SEMA3A: variants seen among roughly 807,000 people sequenced by gnomAD.
SEMA3A encodes the protein semaphorin-3A.
SEMA3A carries 29 observed loss-of-function variants against 97.9 expected under a neutral mutation model. The ratio of observed to expected loss-of-function variants is 0.30; its 90% CI spans 0.22 to 0.40. The LOEUF is 0.40. SEMA3A is among the 10% of genes least tolerant of loss of function. SEMA3A has a pLI of 1.00. For synonymous variants in SEMA3A, 321 were observed against 323.7 expected (o/e 0.99, Z 0.09); for missense variants, 763 against 951.3 (o/e 0.80, Z 2.60).
intron 1 of SEMA3A, among the ~76,000 whole-genome samples, chr7:84,455,637 G>T (rs139677276): frequency 5.3e-5 from 8 of 151,950 alleles, no homozygotes; most frequent in Admixed American, 5.2e-4. Flanking sequence ...ATTTCAATGT[G>T]AATAATTCTT....
chr7:84,411,232 A>AT lies in SEMA3A; in HGVS notation c.-245-39333dup, dbSNP rs988062217. Among the ~76,000 whole-genome samples the AT allele has an allele frequency of 2.0e-4, 31 of 152,028 alleles. 1 individual carries two copies. Among genetic ancestry groups the AT allele is most frequent in the Non-Finnish European group, 8.8e-5 (6 of 68,002 alleles). On this transcript the variant is annotated intron_variant, in intron 1 of 3. Coordinates refer to the SEMA3A transcript ENST00000424555. ...AAAAATTGGTAGCGGTCCACTTGGGATTTTTTATAATATTGCAAAATGGCT... is the reference window on the plus strand; with the variant it reads ...AAAAATTGGTAGCGGTCCACTTGGGATTTTTTTATAATATTGCAAAATGGCT...
intron 1 of SEMA3A, among the ~76,000 whole-genome samples, chr7:84,458,450 A>G (rs1428333354): frequency 9.6e-6 from 1 of 103,748 alleles, no homozygotes; most frequent in Admixed American, 9.0e-5. Flanking sequence ...TTTAAATCAT[A>G]AAAAAATAAT....
chr7:84,427,319 C>T (rs756749457), intron 1 of SEMA3A, among the ~76,000 whole-genome samples: 1 of 152,056 alleles, frequency 6.6e-6, no homozygotes, highest in Non-Finnish European at 1.5e-5. Context: ...ATTACAAAGG[C>T]TTGAAACAAA....
At chr7:84,358,556 G>C (rs1391333038) in intron 2 of SEMA3A, among the ~76,000 whole-genome samples, 1 of 152,122 alleles carries the variant, frequency 6.6e-6, no homozygotes, top group Non-Finnish European at 1.5e-5. Flanking sequence ...AGTATAGTTT[G>C]AAGTCAGGTA....
At chr7:84,278,657 G>A (rs1202664622) in intron 3 of SEMA3A, among the ~76,000 whole-genome samples, 1 of 152,068 alleles carries the variant, frequency 6.6e-6, no homozygotes, top group African/African-American at 2.4e-5. Flanking sequence ...GCAAAGGAAG[G>A]GCAGGCAGAG....
chr7:84,047,045 T>C (rs1301229600), intron 5 of SEMA3A, among the ~76,000 whole-genome samples: 1 of 152,062 alleles, frequency 6.6e-6, no homozygotes, highest in African/African-American at 2.4e-5. Context: ...AGTGTTTTTA[T>C]TTGTTATAAG....
At chr7:84,247,810 A>T (rs1392796385) in intron 3 of SEMA3A, among the ~76,000 whole-genome samples, 2 of 152,154 alleles carry the variant, frequency 1.3e-5, no homozygotes, top group Admixed American at 1.3e-4. Flanking sequence ...CTGCCCTGAA[A>T]GTATGAGTCT....
At chr7:84,392,499 T>C (rs1340365669) in intron 1 of SEMA3A, among the ~76,000 whole-genome samples, 1 of 152,308 alleles carries the variant, frequency 6.6e-6, no homozygotes, top group East Asian at 1.9e-4. Flanking sequence ...TTCCATACCT[T>C]GGCTATTGTG....
chr7:84,454,340 T>C (rs1335825109), intron 1 of SEMA3A, among the ~76,000 whole-genome samples: 1 of 152,170 alleles, frequency 6.6e-6, no homozygotes. Context: ...CACAGATAAG[T>C]CATTTCTTGG....
At chr7:84,274,319 C>A (rs1447976470) in intron 3 of SEMA3A, among the ~76,000 whole-genome samples, 2 of 152,026 alleles carry the variant, frequency 1.3e-5, no homozygotes, top group South Asian at 2.1e-4. Context: ...GGTCAGTAAA[C>A]AATCCACCGT....
At position 84,271,614 on chromosome 7, in the gene SEMA3A, A is replaced by G. The variant is rs576601159; in HGVS notation, c.-83+35593T>C. On this transcript the variant is annotated intron_variant, in intron 3 of 3. Transcript: ENST00000424555. The stretch of plus-strand genomic sequence containing the variant: ...TATAAACCCGTTGTATCAAGTGTCT[A>G]GGTAATTCTGACACTTGAGGAGAAT... 1.5e-4 allele frequency among the ~76,000 whole-genome samples: 23 copies of G among 152,262 alleles called. No individual in the cohort carries two copies. In the South Asian group the frequency reaches 2.1e-3, roughly 14 times the overall value.
intron 14 of SEMA3A, among the ~76,000 whole-genome samples, chr7:83,978,992 T>C (rs1789282657): frequency 6.6e-6 from 1 of 152,208 alleles, no homozygotes; most frequent in Non-Finnish European, 1.5e-5. Flanking sequence ...TTTTAACTTA[T>C]AGATGTGTTG....
intron 1 of SEMA3A, among the ~76,000 whole-genome samples, chr7:84,387,971 T>C (rs909848103): frequency 1.3e-5 from 2 of 152,030 alleles, no homozygotes; most frequent in Admixed American, 6.6e-5. Context: ...CTCTGCACAA[T>C]GGAAATAACC....
chr7:84,259,336 C>G lies in SEMA3A; in HGVS notation c.-83+47871G>C, dbSNP rs149371167. On this transcript the variant is annotated intron_variant, in intron 3 of 3. Coordinates refer to the SEMA3A transcript ENST00000424555. The stretch of plus-strand genomic sequence containing the variant: ...TGCCACCTCCAGGATAAATTATGAC[C>G]AAAGAGACGAGTATGTTTTTTACCT... Among the ~76,000 whole-genome samples the G allele has an allele frequency of 4.4e-3, 667 of 152,134 alleles. 2 individuals carry two copies. The highest frequency in any genetic ancestry group is 6.3e-3 in the Non-Finnish European group (430 of 68,008).
At chr7:84,440,096 C>G (rs1805236178) in intron 1 of SEMA3A, among the ~76,000 whole-genome samples, 1 of 152,176 alleles carries the variant, frequency 6.6e-6, no homozygotes, top group African/African-American at 2.4e-5. Flanking sequence ...AATACATCAA[C>G]AGAAGATTCT....
At chr7:84,334,135 G>T (rs1220821324) in intron 2 of SEMA3A, among the ~76,000 whole-genome samples, 3 of 152,032 alleles carry the variant, frequency 2.0e-5, no homozygotes, top group Non-Finnish European at 4.4e-5. Flanking sequence ...GCTAGTTTAA[G>T]TTCTGTCTAT....
At chr7:83,969,447 C>T (rs1373804343) in intron 15 of SEMA3A, among the ~76,000 whole-genome samples, 1 of 152,124 alleles carries the variant, frequency 6.6e-6, no homozygotes, top group Non-Finnish European at 1.5e-5. Flanking sequence ...CCTGGCCCAC[C>T]ACACTGTGTA....
chr7:84,057,119 T>C (rs1167699901), intron 5 of SEMA3A, among the ~76,000 whole-genome samples: 1 of 152,220 alleles, frequency 6.6e-6, no homozygotes, highest in Non-Finnish European at 1.5e-5. Flanking sequence ...AATTATGCTC[T>C]TTCCTGAGAC....
intron 13 of SEMA3A, among the ~76,000 whole-genome samples, chr7:83,982,327 T>C (rs1188788036): frequency 2.0e-5 from 3 of 152,202 alleles, no homozygotes; most frequent in Admixed American, 1.3e-4. Context: ...CTCAATGAAA[T>C]TGGTGTTATT....
Sources: allele counts gnomAD v4.1 joint callset (sites outside exome capture counted in the v4.1 genomes callset), GRCh38; gene constraint gnomAD v4.1.1; transcripts MANE v1.5; gene names NCBI Gene and HGNC (gene_info 2026-07-23, HGNC 2026-07-21).